The following MYO1D variants were observed in gnomAD, a reference collection of about 807,000 sequenced individuals.
MYO1D encodes unconventional myosin-Id.
Under a neutral mutation model 122.0 loss-of-function variants are expected in MYO1D, and 83 were observed. That is an observed-to-expected ratio of 0.68 (90% CI 0.57 to 0.82). The LOEUF (loss-of-function observed/expected upper bound fraction) is 0.82, where lower values mean the gene tolerates loss of function less well. Among genes scored for constraint, MYO1D ranks in the 40% least tolerant of loss-of-function variants. MYO1D has a pLI of 0.00. For missense variants in MYO1D, 1,157 were observed against 1,269.5 expected, an observed-to-expected ratio of 0.91 and a Z score of 1.35; for synonymous variants, 464 against 446.9, an observed-to-expected ratio of 1.04 and a Z score of -0.48.
At position 32,654,465 on chromosome 17, in the gene MYO1D, C is replaced by T; in HGVS notation, c.2490+12G>A. 2 of 1,605,208 alleles carry T rather than the reference C, an allele frequency of 1.2e-6. No individual in the cohort carries two copies. Among genetic ancestry groups the T allele is most frequent in the Non-Finnish European group, 1.7e-6 (2 of 1,176,284 alleles). On this transcript the variant is annotated intron_variant, in intron 18 of 21. Coordinates refer to ENST00000318217, the MANE Select transcript of MYO1D (RefSeq NM_015194.3). ...AGTAGAAGTAGATTTCACTTTGTTC[C>T]CTTGGACTTACTGAAGCAAGATAGT... is the stretch of plus-strand genomic sequence containing the variant.
At chr17:32,821,929 C>T (rs185556790) in intron 1 of MYO1D, among the ~76,000 whole-genome samples, 4 of 152,156 alleles carry the variant, frequency 2.6e-5, no homozygotes, top group Non-Finnish European at 4.4e-5. Context: ...GTTGATGGGA[C>T]TGTAAACTAG....
At chr17:32,588,019 CAT>C (rs1035517876) in intron 21 of MYO1D, among the ~76,000 whole-genome samples, 1 of 152,226 alleles carries the variant, frequency 6.6e-6, no homozygotes, top group African/African-American at 2.4e-5. Flanking sequence ...AAAAGAAACA[CAT>C]TTTTGGTAAA....
intron 21 of MYO1D, among the ~76,000 whole-genome samples, chr17:32,589,419 G>A (rs1478446507): frequency 3.9e-5 from 6 of 152,178 alleles, no homozygotes; most frequent in Non-Finnish European, 7.4e-5. Context: ...CTTGAGGGAT[G>A]GGGAAAGTGG....
At chr17:32,662,861 T>C (rs543280180) in intron 16 of MYO1D, among the ~76,000 whole-genome samples, 4 of 152,192 alleles carry the variant, frequency 2.6e-5, no homozygotes, top group South Asian at 4.2e-4. Flanking sequence ...TAGGCTGTTA[T>C]GACTATTTGA....
chr17:32,712,115 C>A lies in MYO1D; in HGVS notation c.1994G>T (p.Arg665Leu). 1.9e-6 allele frequency: 3 copies of A among 1,613,936 alleles called. No homozygotes were observed. Among genetic ancestry groups the A allele is most frequent in the Non-Finnish European group, 2.5e-6 (3 of 1,179,960 alleles). ...DKEAVKKLIE[R>L]CGFQDDVAYG... ...AGCTACATCATCCTGAAAACCACAC[C>A]GTTCAATTAGTTTCTTGACAGCCTC... Residue 665 changes from arginine to leucine, a missense_variant, in exon 16 of 22, where the codon CGG (arginine) becomes CTG (leucine). By Grantham distance (102) the Arg-to-Leu change is moderately radical (BLOSUM62 -2). Coordinates refer to ENST00000318217, the MANE Select transcript of MYO1D (RefSeq NM_015194.3).
At chr17:32,846,228 CT>C (rs973818475) in intron 1 of MYO1D, among the ~76,000 whole-genome samples, 4 of 152,198 alleles carry the variant, frequency 2.6e-5, no homozygotes, top group Admixed American at 6.5e-5. Context: ...AGAGTAACAC[CT>C]TTTGAGGCTT....
intron 1 of MYO1D, among the ~76,000 whole-genome samples, chr17:32,852,523 T>C (rs1161059636): frequency 6.6e-6 from 1 of 152,210 alleles, no homozygotes; most frequent in Non-Finnish European, 1.5e-5. Context: ...AAAATAATTC[T>C]CATACAGACA....
intron 20 of MYO1D, among the ~76,000 whole-genome samples, chr17:32,620,175 C>T (rs951012360): frequency 2.0e-4 from 31 of 152,256 alleles, no homozygotes; most frequent in African/African-American, 5.3e-4. Context: ...CCTCTGCTTC[C>T]ACTGACATAC....
At chr17:32,627,704 T>A (rs2087946581) in intron 20 of MYO1D, 1 of 152,112 alleles carries the variant, frequency 6.6e-6, no homozygotes, top group African/African-American at 2.4e-5. Flanking sequence ...AAAGGGACTA[T>A]ATCAAAACAA....
chr17:32,726,552 G>C (rs1293667682), intron 14 of MYO1D, among the ~76,000 whole-genome samples: 5 of 149,978 alleles, frequency 3.3e-5, no homozygotes, highest in Non-Finnish European at 1.5e-5. Flanking sequence ...TATAATAGAT[G>C]TAAATTACAA....
intron 21 of MYO1D, among the ~76,000 whole-genome samples, chr17:32,565,887 A>AT (rs889107840): frequency 8.6e-5 from 13 of 151,414 alleles, no homozygotes; most frequent in South Asian, 6.3e-4. Flanking sequence ...GGTGTGGCTA[A>AT]TTTTTTTTTG....
intron 1 of MYO1D, among the ~76,000 whole-genome samples, chr17:32,844,849 T>C (rs958789780): frequency 6.6e-6 from 1 of 152,228 alleles, no homozygotes; most frequent in African/African-American, 2.4e-5. Context: ...TCTTTATAAA[T>C]CTTGTGTTTA....
At chr17:32,611,341 A>G (rs1221743699) in intron 20 of MYO1D, among the ~76,000 whole-genome samples, 1 of 152,236 alleles carries the variant, frequency 6.6e-6, no homozygotes, top group Non-Finnish European at 1.5e-5. Flanking sequence ...ACTTTAGAAA[A>G]TTAAAGAATA....
chr17:32,571,601 C>A (rs1028710467), intron 21 of MYO1D, among the ~76,000 whole-genome samples: 3 of 152,030 alleles, frequency 2.0e-5, no homozygotes, highest in Admixed American at 1.3e-4. Context: ...AAGGAAGTAG[C>A]CATTTCTTTG....
chr17:32,506,592 G>A (rs1388872752), intron 21 of MYO1D, among the ~76,000 whole-genome samples: 1 of 152,052 alleles, frequency 6.6e-6, no homozygotes, highest in Non-Finnish European at 1.5e-5. Flanking sequence ...GGAACAAGAA[G>A]GCACAAACTA....
intron 1 of MYO1D, among the ~76,000 whole-genome samples, chr17:32,825,301 TA>T (rs1213260723): frequency 2.6e-5 from 4 of 152,230 alleles, no homozygotes; most frequent in African/African-American, 9.6e-5. Context: ...TATTTTATTT[TA>T]TTTTTTTGAC....
chr17:32,700,738 G>A (rs182880568), intron 16 of MYO1D, among the ~76,000 whole-genome samples: 79 of 152,234 alleles, frequency 5.2e-4, no homozygotes, highest in Admixed American at 3.9e-3. Context: ...GAGGTCAGGA[G>A]TTCGAGACCA....
chr17:32,618,798 C>T (rs1232518930), intron 20 of MYO1D, among the ~76,000 whole-genome samples: 1 of 151,950 alleles, frequency 6.6e-6, no homozygotes, highest in East Asian at 1.9e-4. Flanking sequence ...CCATGCCTGG[C>T]TAATTTTTGT....
chr17:32,695,993 T>C (rs1005114134), intron 16 of MYO1D, among the ~76,000 whole-genome samples: 1 of 152,220 alleles, frequency 6.6e-6, no homozygotes, highest in Non-Finnish European at 1.5e-5. Flanking sequence ...AGCAGGTTAT[T>C]TGCCTTTTAA....
Sources: gnomAD v4.1 joint callset for allele counts (sites outside exome capture counted in the v4.1 genomes callset) on GRCh38, gnomAD v4.1.1 for gene constraint, MANE v1.5 for transcripts, NCBI Gene and HGNC (gene_info 2026-07-23, HGNC 2026-07-21) for gene names.